The following THRB variants were observed in gnomAD, a reference collection of about 807,000 sequenced individuals.
The protein encoded by THRB is thyroid hormone receptor beta, also known as nuclear receptor subfamily 1 group A member 2.
Under a neutral mutation model 47.8 loss-of-function variants are expected in THRB, and 12 were observed. That is an observed-to-expected ratio of 0.25 (90% CI 0.16 to 0.41). The LOEUF (loss-of-function observed/expected upper bound fraction) is 0.41, where lower values mean the gene tolerates loss of function less well. THRB is among the 10% of genes least tolerant of loss of function. THRB has a pLI of 1.00. For synonymous variants in THRB, 218 were observed against 212.2 expected (o/e 1.03, Z -0.24); for missense variants, 348 against 589.2 (o/e 0.59, Z 4.24).
At chr3:24,359,054 T>C (rs2063888937) in intron 1 of THRB, among the ~76,000 whole-genome samples, 1 of 152,164 alleles carries the variant, frequency 6.6e-6, no homozygotes, top group South Asian at 2.1e-4. Flanking sequence ...AGCAACACCA[T>C]GCCACCCCAA....
intron 1 of THRB, among the ~76,000 whole-genome samples, chr3:24,359,256 G>T (rs73825626): frequency 0.034 from 5,138 of 152,202 alleles, 167 homozygotes; most frequent in African/African-American, 0.081. Context: ...CATGACACCT[G>T]GGCAAGGATG....
At chr3:24,214,870 C>T (rs1559625094) in intron 4 of THRB, among the ~76,000 whole-genome samples, 1 of 152,216 alleles carries the variant, frequency 6.6e-6, no homozygotes, top group Non-Finnish European at 1.5e-5. Context: ...TGGGACTGAA[C>T]AAGTATTTGT....
At chr3:24,246,555 ACC>A (rs891603457) in intron 3 of THRB, among the ~76,000 whole-genome samples, 3 of 152,152 alleles carry the variant, frequency 2.0e-5, no homozygotes, top group Non-Finnish European at 2.9e-5. Context: ...TGACGGGATA[ACC>A]CAGTTCTTTG....
intron 5 of THRB, among the ~76,000 whole-genome samples, chr3:24,173,559 A>G (rs972411391): frequency 6.6e-6 from 1 of 152,186 alleles, no homozygotes; most frequent in African/African-American, 2.4e-5. Flanking sequence ...ACATAATACT[A>G]TCACAACAGC....
intron 1 of THRB, among the ~76,000 whole-genome samples, chr3:24,439,217 G>A (rs1328457965): frequency 6.6e-6 from 1 of 152,116 alleles, no homozygotes; most frequent in Non-Finnish European, 1.5e-5. Flanking sequence ...TCATTGTCAA[G>A]GGCAATCCTC....
intron 3 of THRB, among the ~76,000 whole-genome samples, chr3:24,244,967 A>C (rs1178957376): frequency 6.6e-6 from 1 of 152,182 alleles, no homozygotes; most frequent in African/African-American, 2.4e-5. Flanking sequence ...TTCTCTGCTC[A>C]AAATCTTGAC....
At position 24,324,383 on chromosome 3, in the gene THRB, C is replaced by T. The variant is rs1172729574; in HGVS notation, c.-189+12917G>A. ...TACAGCAGAACAGTTCCACTGTCAC[C>T]CAGATCCTTTGGAAATTTATCTTTT... On this transcript the variant is annotated intron_variant, in intron 2 of 10. Transcript: ENST00000646209. Among the ~76,000 whole-genome samples the T allele has an allele frequency of 2.0e-5, 3 of 152,158 alleles. No homozygotes were observed. In the East Asian group the frequency reaches 5.8e-4, roughly 29 times the overall value.
At chr3:24,427,982 G>A (rs1238768581) in intron 1 of THRB, among the ~76,000 whole-genome samples, 1 of 151,874 alleles carries the variant, frequency 6.6e-6, no homozygotes, top group Non-Finnish European at 1.5e-5. Flanking sequence ...TTGCATACTT[G>A]CTCCAGCTTA....
chr3:24,184,789 T>G (rs759004989), intron 5 of THRB, among the ~76,000 whole-genome samples: 3 of 151,930 alleles, frequency 2.0e-5, no homozygotes, highest in Admixed American at 6.6e-5. Flanking sequence ...TGGGGCAGAG[T>G]AGAGAGCAGA....
intron 3 of THRB, among the ~76,000 whole-genome samples, chr3:24,254,658 A>G (rs1260071064): frequency 2.0e-5 from 3 of 152,206 alleles, no homozygotes; most frequent in Non-Finnish European, 4.4e-5. Context: ...GATTGCTATC[A>G]GGGTTTTTCC....
intron 1 of THRB, among the ~76,000 whole-genome samples, chr3:24,352,618 G>C (rs2063424195): frequency 6.6e-6 from 1 of 152,230 alleles, no homozygotes; most frequent in African/African-American, 2.4e-5. Flanking sequence ...AAAGGTCTTT[G>C]CGCAGCCATT....
chr3:24,281,497 C>A (rs908670843), intron 3 of THRB, among the ~76,000 whole-genome samples: 5 of 151,940 alleles, frequency 3.3e-5, no homozygotes, highest in Non-Finnish European at 5.9e-5. Flanking sequence ...AATGTAAAGA[C>A]CATCGAGACT....
At chr3:24,147,613 G>A (rs2036266262) in intron 6 of THRB, among the ~76,000 whole-genome samples, 1 of 152,156 alleles carries the variant, frequency 6.6e-6, no homozygotes. Context: ...GGGTGACTTA[G>A]GTAATATTCT....
intron 1 of THRB, among the ~76,000 whole-genome samples, chr3:24,389,064 T>C (rs2066352791): frequency 6.6e-6 from 1 of 152,148 alleles, no homozygotes; most frequent in East Asian, 1.9e-4. Context: ...TGTGTGACTA[T>C]TTGGATGTTT....
intron 7 of THRB, chr3:24,143,956 C>A (rs894057521): frequency 5.4e-6 from 3 of 552,310 alleles, no homozygotes; most frequent in Non-Finnish European, 9.8e-6. Flanking sequence ...CCCCAGAGAA[C>A]CTAGACACTG....
chr3:24,235,854 A>T (rs1490999046), intron 3 of THRB, among the ~76,000 whole-genome samples: 2 of 151,958 alleles, frequency 1.3e-5, no homozygotes, highest in Non-Finnish European at 2.9e-5. Flanking sequence ...TAGCTTAGGG[A>T]TGTGTCTTGA....
chr3:24,401,761 C>T (rs2067419875), intron 1 of THRB, among the ~76,000 whole-genome samples: 1 of 152,014 alleles, frequency 6.6e-6, no homozygotes, highest in African/African-American at 2.4e-5. Context: ...GTTTCCCTAA[C>T]ACTTGGGAGT....
intron 5 of THRB, among the ~76,000 whole-genome samples, chr3:24,153,554 G>A (rs1479849114): frequency 6.6e-6 from 1 of 152,180 alleles, no homozygotes; most frequent in Non-Finnish European, 1.5e-5. Flanking sequence ...GAGTTTATTA[G>A]TTTAAATTCC....
intron 1 of THRB, among the ~76,000 whole-genome samples, chr3:24,395,366 T>C (rs1296995788): frequency 2.0e-5 from 3 of 152,128 alleles, no homozygotes; most frequent in Non-Finnish European, 4.4e-5. Context: ...GAAAATCATA[T>C]ATCTTATAAG....
Sources: gnomAD v4.1 joint callset for allele counts (sites outside exome capture counted in the v4.1 genomes callset) on GRCh38, gnomAD v4.1.1 for gene constraint, MANE v1.5 for transcripts, NCBI Gene and HGNC (gene_info 2026-07-23, HGNC 2026-07-21) for gene names.